Variants in MUC5AC observed in about 807,000 individuals in gnomAD.
MUC5AC encodes mucin 5AC, oligomeric mucus/gel-forming, also known as mucin-5AC.
MUC5AC carries 158 observed loss-of-function variants against 169.7 expected under a neutral mutation model. The observed-to-expected ratio is 0.93, with a 90% CI of 0.82 to 1.06. The LOEUF (loss-of-function observed/expected upper bound fraction) is 1.06, where lower values mean the gene tolerates loss of function less well. MUC5AC is among the 50% of genes least tolerant of loss of function. The pLI, the probability that MUC5AC is intolerant of heterozygous loss-of-function variation, is 0.00. For missense variants in MUC5AC, 4,359 were observed against 3,089.9 expected (o/e 1.41, Z -9.74); for synonymous variants, 1,975 against 1,237.0 (o/e 1.60, Z -12.52).
chr11:1,189,641 C>A lies in MUC5AC; in HGVS notation c.11496C>A (p.Thr3832=). Residue 3832 remains threonine, a synonymous_variant, in exon 31 of 49, where the codon ACC becomes ACA. Coordinates refer to ENST00000621226, the MANE Select transcript of MUC5AC (RefSeq NM_001304359.2). ...CCTCTTCCCCTACAACTAGCACAAC[C>A]TCAGCTCCTACAACCAGCACAACTT... ...STTSSPTTST[T]SAPTTSTTSA... The A allele has an allele frequency of 3.2e-6, 2 of 628,888 alleles. No individual in the cohort carries two copies. The highest frequency in any genetic ancestry group is 3.7e-5 in the South Asian group (2 of 53,570). 39.0% of individuals were successfully genotyped at this position (628,888 alleles called of 1,614,324 possible).
intron 1 of MUC5AC, among the ~76,000 whole-genome samples, chr11:1,160,247 G>A (rs1338464875): frequency 6.6e-6 from 1 of 152,118 alleles, no homozygotes; most frequent in Non-Finnish European, 1.5e-5. Flanking sequence ...GCCCCTCAGT[G>A]GGATCACTGT....
Position 1,188,205 on chromosome 11 carries a change from C to G in MUC5AC, c.10060C>G (p.Gln3354Glu), listed in dbSNP as rs1176685990. Reference sequence around the variant, plus strand: ...CCCAACTCAGAGCACTTCCTCTTGGCAGAAATCCAGGACAACCACTTTGGT... The same window carrying G: ...CCCAACTCAGAGCACTTCCTCTTGGGAGAAATCCAGGACAACCACTTTGGT... ...TSPTQSTSSW[Q>E]KSRTTTLVTT... The change falls in exon 31 of 49, where the codon CAG becomes GAG. Residue 3354 changes from glutamine to glutamate, a missense_variant. Coordinates refer to ENST00000621226, the MANE Select transcript of MUC5AC (RefSeq NM_001304359.2). 5.9e-6 allele frequency: 4 copies of G among 681,492 alleles called. No homozygotes were observed. The highest frequency in any genetic ancestry group is 8.0e-6 in the Non-Finnish European group (3 of 375,628). 42.2% of individuals were successfully genotyped at this position (681,492 alleles called of 1,614,324 possible). A position where few individuals can be genotyped will look rare whatever the true frequency, so the allele number is the denominator to read the frequency against.
intron 42 of MUC5AC, 117 bp from the exon 43 acceptor site, chr11:1,198,151 C>G (rs1861332143): frequency 1.4e-6 from 1 of 692,610 alleles, no homozygotes; most frequent in African/African-American, 1.8e-5. Flanking sequence ...TGAGGCTGGA[C>G]AAACCCCAGT....
At chr11:1,200,054 G>T in intron 48 of MUC5AC, 85 bp downstream of exon 48, 2 of 644,300 alleles carry the variant, frequency 3.1e-6, no homozygotes, top group Non-Finnish European at 5.6e-6. Context: ...CCAGATAGAC[G>T]AGGGGCAGGA....
Position 1,199,877 on chromosome 11 carries a change from T to C in MUC5AC, c.16608T>C (p.His5536=), listed in dbSNP as rs1254268249. The C allele has an allele frequency of 3.9e-6, 3 of 764,264 alleles. No individual in the cohort carries two copies. The highest frequency in any genetic ancestry group is 4.9e-5 in the East Asian group (2 of 41,236). The allele number at this position is 764,264 out of a possible 1,614,324, so 47.3% of individuals were successfully genotyped here. A position where few individuals can be genotyped will look rare whatever the true frequency, so the allele number is the denominator to read the frequency against. The part of the protein sequence containing the change: ...YQNQSTCAVY[H]RSLIIQQQGC... ...CAGAGTCGACCTGTGCTGTGTACCATAGGAGCCTGATCATCCAGCAGCAGG... is the reference window on the plus strand; with the variant it reads ...CAGAGTCGACCTGTGCTGTGTACCACAGGAGCCTGATCATCCAGCAGCAGG... The change falls in exon 48 of 49, where the codon CAT becomes CAC. Residue 5536 remains histidine, a synonymous_variant. Transcript: ENST00000621226.
intron 9 of MUC5AC, among the ~76,000 whole-genome samples, chr11:1,165,085 T>TC (rs1383857965): frequency 5.5e-5 from 7 of 128,348 alleles, no homozygotes; most frequent in East Asian, 2.5e-4. Context: ...GAGGCCCCTG[T>TC]CCTGGCCCCC....
Position 1,189,620 on chromosome 11 carries a change from T to C in MUC5AC, c.11475T>C (p.Ser3825=), listed in dbSNP as rs971791287. The change falls in exon 31 of 49, where the codon TCT becomes TCC. Residue 3825 remains serine (S), a synonymous_variant. Transcript: ENST00000621226. ...CCACTCCGCAGACCAGCACAACCTC[T>C]TCCCCTACAACTAGCACAACCTCAG... The part of the protein sequence containing the change: ...TTSTPQTSTT[S]SPTTSTTSAP... The C allele has an allele frequency of 8.1e-6, 5 of 616,342 alleles. No individual in the cohort carries two copies. The Admixed American group carries it at 1.1e-4, about 14-fold the overall frequency. 38.2% of individuals were successfully genotyped at this position (616,342 alleles called of 1,614,324 possible). A position where few individuals can be genotyped will look rare whatever the true frequency, so the allele number is the denominator to read the frequency against.
Position 1,158,060 on chromosome 11 carries a change from A to G in MUC5AC, c.61A>G (p.Thr21Ala). Residue 21 changes from threonine (T) to alanine (A), a missense_variant, in exon 1 of 49, where the codon ACC becomes GCC. Coordinates refer to ENST00000621226, the MANE Select transcript of MUC5AC (RefSeq NM_001304359.2). ...GGCCCTGGCTCTCGCTCTGGCCTGC[A>G]CCCGGCATACAGGTACGGCTTGGCC... is the stretch of plus-strand genomic sequence containing the variant. ...LWALALALAC[T>A]RHTGHAQDGS... The G allele has an allele frequency of 6.2e-7, 1 of 1,608,190 alleles. No individual in the cohort carries two copies. Among genetic ancestry groups the G allele is most frequent in the South Asian group, 1.1e-5 (1 of 90,010 alleles).
chr11:1,176,169 T>C lies in MUC5AC; in HGVS notation c.2420T>C (p.Val807Ala), dbSNP rs1211993112. 1 of 398,570 alleles carries C rather than the reference T, an allele frequency of 2.5e-6. No individual in the cohort carries two copies. Among genetic ancestry groups the C allele is most frequent in the Non-Finnish European group, 4.4e-6 (1 of 226,110 alleles). The allele number at this position is 398,570 out of a possible 1,614,324, so 24.7% of individuals were successfully genotyped here. Reference sequence around the variant, plus strand: ...TCCCCAGTGTGTGCTGCGCCCATGGTGTTCTTTGACTGCCGAAATGCCACG... The same window carrying C: ...TCCCCAGTGTGTGCTGCGCCCATGGCGTTCTTTGACTGCCGAAATGCCACG... ...APAPVCAAPM[V>A]FFDCRNATPG... Residue 807 changes from valine to alanine, a missense_variant, in exon 20 of 49, where the codon GTG becomes GCG. Coordinates refer to ENST00000621226, the MANE Select transcript of MUC5AC (RefSeq NM_001304359.2).
In MUC5AC at chr11:1,186,019, C is replaced by A. The variant is rs1354668603; in HGVS notation, c.7874C>A (p.Thr2625Lys). The A allele has an allele frequency of 8.2e-6, 6 of 729,804 alleles. No homozygotes were observed. Among genetic ancestry groups the A allele is most frequent in the Admixed American group, 1.9e-5 (1 of 53,332 alleles). The allele number at this position is 729,804 out of a possible 1,614,324, so 45.2% of individuals were successfully genotyped here. The change falls in exon 31 of 49, where the codon ACA becomes AAA. Residue 2625 changes from threonine to lysine, a missense_variant. Physicochemically the swap from Thr to Lys is moderately conservative, Grantham distance 78. Coordinates refer to ENST00000621226, the MANE Select transcript of MUC5AC (RefSeq NM_001304359.2). ...ATAAGCAGCACAACCTCTGCCACTA[C>A]AACCAGCAGAATCTCTGGTCCTGAA... ...APISSTTSAT[T>K]TSRISGPETT...
chr11:1,189,523 C>T lies in MUC5AC; in HGVS notation c.11378C>T (p.Ser3793Phe). ...TCTGCTCCCATAACCAGCACAATCT[C>T]TGCCCCTACAACCAGCACAACCTCC... is the stretch of plus-strand genomic sequence containing the variant. ...TTSAPITSTI[S>F]APTTSTTSTP... The change falls in exon 31 of 49, where the codon TCT becomes TTT. Residue 3793 changes from serine to phenylalanine, a missense_variant. Transcript: ENST00000621226. 5.0e-6 allele frequency: 3 copies of T among 600,622 alleles called. No individual in the cohort carries two copies. Among genetic ancestry groups the T allele is most frequent in the Non-Finnish European group, 8.9e-6 (3 of 337,976 alleles). 37.2% of individuals were successfully genotyped at this position (600,622 alleles called of 1,614,324 possible).
At chr11:1,169,930 T>C (rs1860450646) in intron 15 of MUC5AC, among the ~76,000 whole-genome samples, 10 of 111,042 alleles carry the variant, frequency 9.0e-5, no homozygotes, top group African/African-American at 1.5e-4. Context: ...ACCCATTCAC[T>C]CACTCGCCCA....
chr11:1,185,515 C>T lies in MUC5AC; in HGVS notation c.7370C>T (p.Thr2457Met), dbSNP rs1368964787. 99 of 726,236 alleles carry T rather than the reference C, an allele frequency of 1.4e-4. No individual in the cohort carries two copies. Among genetic ancestry groups the T allele is most frequent in the African/African-American group, 6.0e-4 (35 of 57,924 alleles). The allele number at this position is 726,236 out of a possible 1,614,324, so 45.0% of individuals were successfully genotyped here. The change falls in exon 31 of 49, where the codon ACG becomes ATG. Residue 2457 changes from threonine to methionine, a missense_variant. Thr to Met is a moderately conservative substitution (Grantham distance 81, BLOSUM62 -1). Coordinates refer to ENST00000621226, the MANE Select transcript of MUC5AC (RefSeq NM_001304359.2). ...GPGTTPSPVPTTSTTSAPTTR... is the reference protein window; with the variant it reads ...GPGTTPSPVPMTSTTSAPTTR... ...GGAACTACCCCAAGCCCTGTTCCCA[C>T]GACCAGCACAACCTCTGCCCCTACA...
chr11:1,162,742 G>T, intron 5 of MUC5AC, 96 bp downstream of exon 5: 1 of 1,236,274 alleles, frequency 8.1e-7, no homozygotes, highest in East Asian at 2.4e-5. Context: ...GGTGCCCTGG[G>T]CCCAGTCAGG....
chr11:1,173,344 C>CT (rs1860596283), intron 16 of MUC5AC, among the ~76,000 whole-genome samples: 1 of 147,256 alleles, frequency 6.8e-6, no homozygotes, highest in African/African-American at 2.5e-5. Context: ...CATCCACTCA[C>CT]CCACTCACTC....
At chr11:1,168,049 TC>T in intron 12 of MUC5AC, 62 bp downstream of exon 12, 1 of 1,399,940 alleles carries the variant, frequency 7.1e-7, no homozygotes, top group East Asian at 2.5e-5. Flanking sequence ...CTTCTGCAAG[TC>T]ACCTCTGCCC....
Position 1,192,933 on chromosome 11 carries a change from C to T in MUC5AC, c.14531C>T (p.Ser4844Phe). Residue 4844 changes from serine (S) to phenylalanine (F), a missense_variant, in exon 32 of 49, where the codon TCC becomes TTC. Ser to Phe is a radical substitution (Grantham distance 155). Coordinates refer to ENST00000621226, the MANE Select transcript of MUC5AC (RefSeq NM_001304359.2). ...GCCACGTCCCCTTCAATATCCACCT[C>T]CGAGCCCGTCACTGAGCTGGGATGC... is the stretch of plus-strand genomic sequence containing the variant. ...APATSPSIST[S>F]EPVTELGCPN... The T allele has an allele frequency of 2.7e-6, 2 of 754,664 alleles. No individual in the cohort carries two copies. The highest frequency in any genetic ancestry group is 4.8e-6 in the Non-Finnish European group (2 of 412,720). The allele number at this position is 754,664 out of a possible 1,614,324, so 46.7% of individuals were successfully genotyped here. A position where few individuals can be genotyped will look rare whatever the true frequency, so the allele number is the denominator to read the frequency against.
intron 9 of MUC5AC, among the ~76,000 whole-genome samples, chr11:1,164,824 T>C (rs1860263179): frequency 2.2e-5 from 3 of 138,634 alleles, no homozygotes; most frequent in African/African-American, 8.6e-5. Context: ...CTGAGGCCCC[T>C]GTCCTGGGCC....
At chr11:1,170,142 C>T (rs1162105395) in intron 15 of MUC5AC, among the ~76,000 whole-genome samples, 1 of 87,570 alleles carries the variant, frequency 1.1e-5, no homozygotes, top group South Asian at 5.0e-4. Flanking sequence ...CACTCACCCA[C>T]TCACCCATTC....
Sources: allele counts gnomAD v4.1 joint callset (sites outside exome capture counted in the v4.1 genomes callset), GRCh38; gene constraint gnomAD v4.1.1; transcripts MANE v1.5; gene names NCBI Gene and HGNC (gene_info 2026-07-23, HGNC 2026-07-21).